Variants in APOLD1 observed in about 807,000 individuals in gnomAD.
APOLD1 encodes the protein apolipoprotein L domain containing 1.
A neutral mutation model predicts 15.3 loss-of-function variants in APOLD1; 22 were observed. That is an observed-to-expected ratio of 1.44 (90% confidence interval 1.03 to 2.05). The LOEUF is 2.05. APOLD1 is among the 30% of genes most tolerant of loss of function. The probability of loss-of-function intolerance (pLI) is 0.00; values close to 1 mark genes in which losing one functional copy is unlikely to be tolerated. For synonymous variants in APOLD1, 190 were observed against 167.4 expected (o/e 1.13, Z -1.04); for missense variants, 394 against 353.5 (o/e 1.11, Z -0.92).
At position 12,787,516 on chromosome 12, in the gene APOLD1, A is replaced by G; in HGVS notation, c.611A>G (p.Glu204Gly). Residue 204 changes from glutamate (E) to glycine (G), a missense_variant, in exon 2 of 2, where the codon GAG (glutamate) becomes GGG (glycine). Physicochemically the swap from Glu to Gly is moderately conservative, Grantham distance 98 (BLOSUM62 -2). Coordinates refer to ENST00000356591, the MANE Select transcript of APOLD1 (RefSeq NM_030817.3). The surrounding 1 kb of genome is among the most constrained non-coding windows in gnomAD (Gnocchi z 4.9). Reference sequence around the variant, plus strand: ...AAGGCCAAGATTCAGAAACTGGCCGAGAGCCTGGAGTCCTGCACCGGGGCT... The same window carrying G: ...AAGGCCAAGATTCAGAAACTGGCCGGGAGCCTGGAGTCCTGCACCGGGGCT... ...VLKAKIQKLA[E>G]SLESCTGALD... The G allele has an allele frequency of 6.2e-7, 1 of 1,614,066 alleles. No individual in the cohort carries two copies.
At chr12:12,777,953 T>C (rs905650023) in intron 1 of APOLD1, among the ~76,000 whole-genome samples, 4 of 145,582 alleles carry the variant, frequency 2.7e-5, no homozygotes, top group African/African-American at 1.0e-4. Flanking sequence ...AGACAGGGTC[T>C]CACTCTATCA....
At chr12:12,781,685 G>GC (rs1375587510), upstream of APOLD1, among the ~76,000 whole-genome samples, 1 of 151,314 alleles carries the variant, frequency 6.6e-6, no homozygotes, top group African/African-American at 2.4e-5. Flanking sequence ...CTGCCACCAT[G>GC]CCCGGCTAAT....
At chr12:12,758,268 C>T (rs903719698) in intron 1 of APOLD1, among the ~76,000 whole-genome samples, 8 of 151,430 alleles carry the variant, frequency 5.3e-5, no homozygotes, top group Non-Finnish European at 7.4e-5. Flanking sequence ...GGTAAAGTGC[C>T]GGGTGCAGTG....
At chr12:12,764,674 G>T in intron 1 of APOLD1, 1 of 490,732 alleles carries the variant, frequency 2.0e-6, no homozygotes, top group Non-Finnish European at 4.2e-6. Context: ...AAGTGTGAAG[G>T]GACCCTTCCT....
chr12:12,774,584 GAAAA>G (rs1947016730), intron 1 of APOLD1, among the ~76,000 whole-genome samples: 8 of 103,988 alleles, frequency 7.7e-5, no homozygotes, highest in African/African-American at 1.0e-4. Context: ...AGAAAGAAAA[GAAAA>G]GTAAAGAAAA....
chr12:12,772,595 T>C lies in APOLD1; in HGVS notation c.97-14314T>C, dbSNP rs545751782. 2.0e-5 allele frequency among the ~76,000 whole-genome samples: 3 copies of C among 152,330 alleles called. No homozygotes were observed. The South Asian group carries it at 6.2e-4, about 32-fold the overall frequency. On this transcript the variant is annotated intron_variant, in intron 1 of 1. Coordinates refer to the APOLD1 transcript ENST00000326765. Reference sequence around the variant, plus strand: ...ACAGATCCAGTAGGCAGAAAATCAGTAGGGCATAGTTGAACTCAACACCAC... The same window carrying C: ...ACAGATCCAGTAGGCAGAAAATCAGCAGGGCATAGTTGAACTCAACACCAC...
intron 1 of APOLD1, among the ~76,000 whole-genome samples, chr12:12,758,018 C>T (rs1017688417): frequency 8.7e-5 from 13 of 149,158 alleles, no homozygotes; most frequent in African/African-American, 1.2e-4. Context: ...CTCTGCCTCC[C>T]GGGTTCAAGT....
chr12:12,726,119 G>A lies in APOLD1; in HGVS notation c.96+23G>A, dbSNP rs767815596. 9.9e-6 allele frequency: 13 copies of A among 1,315,362 alleles called. No individual in the cohort carries two copies. In the South Asian group the frequency reaches 1.3e-4, roughly 13 times the overall value. The allele number at this position is 1,315,362 out of a possible 1,614,324, so 81.5% of individuals were successfully genotyped here. The stretch of plus-strand genomic sequence containing the variant: ...AAGGTAGAACTGGGGAGTGCGGGAG[G>A]GTGGAGGTGGCCCGGAAAAGAACAC... On this transcript the variant is annotated intron_variant, in intron 1 of 1. Coordinates refer to the APOLD1 transcript ENST00000326765.
chr12:12,746,612 A>T (rs1302169573), intron 1 of APOLD1, among the ~76,000 whole-genome samples: 1 of 152,220 alleles, frequency 6.6e-6, no homozygotes, highest in Non-Finnish European at 1.5e-5. Flanking sequence ...TTAAAAAACT[A>T]TTGGAAAACA....
At chr12:12,733,723 C>G (rs1235285754) in intron 1 of APOLD1, among the ~76,000 whole-genome samples, 2 of 152,298 alleles carry the variant, frequency 1.3e-5, no homozygotes, top group East Asian at 3.9e-4. Context: ...CTGCCTCAGC[C>G]TCCTGAGTAG....
rs1385607681 is a variant in APOLD1 at position 12,789,144 on chromosome 12, T to C, written c.*1492T>C. 1 of 152,242 alleles carries C rather than the reference T, an allele frequency of 6.6e-6. No homozygotes were observed. The highest frequency in any genetic ancestry group is 1.5e-5 in the Non-Finnish European group (1 of 68,048). The allele number at this position is 152,242 out of a possible 1,614,324, so 9.4% of individuals were successfully genotyped here. A position where few individuals can be genotyped will look rare whatever the true frequency, so the allele number is the denominator to read the frequency against. On this transcript the variant is annotated 3_prime_UTR_variant, in exon 2 of 2. Transcript: ENST00000356591. ...TTTTAATTATTGTTTAGTGTTTGCA[T>C]TTAATTTTATTTAATCACCACATTT...
chr12:12,745,051 T>C (rs1946755308), intron 1 of APOLD1, among the ~76,000 whole-genome samples: 1 of 152,190 alleles, frequency 6.6e-6, no homozygotes, highest in East Asian at 1.9e-4. Context: ...GGGAAAAATG[T>C]ATTAAAATAA....
chr12:12,756,314 G>A (rs1338171418), intron 1 of APOLD1, among the ~76,000 whole-genome samples: 2 of 152,252 alleles, frequency 1.3e-5, no homozygotes, highest in East Asian at 1.9e-4. Context: ...AATTAGACCC[G>A]TTTGGGTTTT....
In APOLD1 at chr12:12,788,585, T is replaced by G. The variant is rs1269906341; in HGVS notation, c.*933T>G. The stretch of plus-strand genomic sequence containing the variant: ...CCTAGCATGATGGTGCTGGCTCATA[T>G]AGTGTAGTCCCTGGAATGGCAAATT... On this transcript the variant is annotated 3_prime_UTR_variant, in exon 2 of 2. Transcript: ENST00000356591. 1 of 152,194 alleles carries G rather than the reference T, an allele frequency of 6.6e-6. No homozygotes were observed. The highest frequency in any genetic ancestry group is 2.4e-5 in the African/African-American group (1 of 41,422). The allele number at this position is 152,194 out of a possible 1,614,324, so 9.4% of individuals were successfully genotyped here.
At chr12:12,744,008 G>GTAC (rs1396950377) in intron 1 of APOLD1, among the ~76,000 whole-genome samples, 1 of 152,192 alleles carries the variant, frequency 6.6e-6, no homozygotes, top group African/African-American at 2.4e-5. Flanking sequence ...CTAGCACACA[G>GTAC]TACTGCAAGA....
chr12:12,755,600 C>A (rs1391052606), intron 1 of APOLD1, among the ~76,000 whole-genome samples: 1 of 152,158 alleles, frequency 6.6e-6, no homozygotes, highest in African/African-American at 2.4e-5. Context: ...CAGCACTTTC[C>A]AAGGCCAAGG....
rs949593526 is a variant in APOLD1 at position 12,789,164 on chromosome 12, A to G, written c.*1512A>G. 45 of 152,200 alleles carry G rather than the reference A, an allele frequency of 3.0e-4. No individual in the cohort carries two copies. The highest frequency in any genetic ancestry group is 8.2e-4 in the African/African-American group (34 of 41,452). The allele number at this position is 152,200 out of a possible 1,614,324, so 9.4% of individuals were successfully genotyped here. On this transcript the variant is annotated 3_prime_UTR_variant, in exon 2 of 2. Coordinates refer to ENST00000356591, the MANE Select transcript of APOLD1 (RefSeq NM_030817.3). ...TTGCATTTAATTTTATTTAATCACC[A>G]CATTTAGAAAATAATAAGAGCAAGT...
rs568001303 is a variant in APOLD1 at position 12,787,178 on chromosome 12, G to C, written c.273G>C (p.Gly91=). Residue 91 remains glycine, a synonymous_variant, in exon 2 of 2, where the codon GGG becomes GGC. Transcript: ENST00000356591. The surrounding 1 kb of genome is among the most constrained non-coding windows in gnomAD (Gnocchi z 4.9). Reference sequence around the variant, plus strand: ...CCTCGCTGCTGGTGTCGGCCGTGGGGCTGGGGGTGGCCACAGCCGGAGGGG... The same window carrying C: ...CCTCGCTGCTGGTGTCGGCCGTGGGCCTGGGGGTGGCCACAGCCGGAGGGG... The part of the protein sequence containing the change: ...LGTSLLVSAV[G]LGVATAGGAV... The C allele has an allele frequency of 1.5e-5, 23 of 1,538,688 alleles. No individual in the cohort carries two copies. The East Asian group carries it at 4.7e-4, about 32-fold the overall frequency.
intron 1 of APOLD1, among the ~76,000 whole-genome samples, chr12:12,765,902 T>G (rs1311980662): frequency 6.6e-6 from 1 of 152,074 alleles, no homozygotes; most frequent in Non-Finnish European, 1.5e-5. Flanking sequence ...GAACAAAATG[T>G]CAAAGTCAAA....
Sources: gnomAD v4.1 joint callset for allele counts (sites outside exome capture counted in the v4.1 genomes callset) on GRCh38, gnomAD v4.1.1 for gene constraint, Gnocchi (gnomAD v3.1) non-coding constraint, MANE v1.5 for transcripts, NCBI Gene and HGNC (gene_info 2026-07-23, HGNC 2026-07-21) for gene names.